NFYB: variants seen among roughly 807,000 people sequenced by gnomAD.
NFYB encodes the protein nuclear transcription factor Y subunit beta.
Under a neutral mutation model 28.0 loss-of-function variants are expected in NFYB, and 13 were observed. The ratio of observed to expected loss-of-function variants is 0.46; its 90% CI spans 0.30 to 0.74. NFYB has a LOEUF of 0.74. Ranked by LOEUF, NFYB falls within the 30% of genes least tolerant of loss-of-function variation. NFYB has a pLI of 0.07. For missense variants in NFYB, 142 were observed against 247.6 expected (o/e 0.57, Z 2.86); for synonymous variants, 74 against 75.0 (o/e 0.99, Z 0.07).
At chr12:104,121,645 T>C (rs1374955187) in intron 5 of NFYB, among the ~76,000 whole-genome samples, 2 of 152,174 alleles carry the variant, frequency 1.3e-5, no homozygotes, top group Non-Finnish European at 2.9e-5. Flanking sequence ...ACCACCAATA[T>C]TGAGCTTATA....
Position 104,127,819 on chromosome 12 carries a change from G to T in NFYB, c.100+605C>A, listed in dbSNP as rs137910613. ...AGCCCCCAGCCCCCTAAGTAGCTGG[G>T]ACTACAGGTACATGCCACCAAGCAC... On this transcript the variant is annotated intron_variant, in intron 3 of 7. Transcript: ENST00000240055. Among the ~76,000 whole-genome samples, 5 of 151,792 alleles carry T rather than the reference G, an allele frequency of 3.3e-5. No individual in the cohort carries two copies. The East Asian group carries it at 7.8e-4, about 24-fold the overall frequency.
chr12:104,124,968 A>G (rs992362588), intron 4 of NFYB, among the ~76,000 whole-genome samples: 28 of 152,362 alleles, frequency 1.8e-4, no homozygotes, highest in African/African-American at 5.8e-4. Context: ...CTATAAAATG[A>G]CAGAAAAATT....
chr12:104,121,223 A>AT lies in NFYB; in HGVS notation c.511+16dup. 6.3e-7 allele frequency: 1 copy of AT among 1,590,170 alleles called. No homozygotes were observed. Among genetic ancestry groups the AT allele is most frequent in the Admixed American group, 1.7e-5 (1 of 59,160 alleles). On this transcript the variant is annotated intron_variant, in intron 6 of 7. Coordinates refer to ENST00000240055, the MANE Select transcript of NFYB (RefSeq NM_006166.4). ...ATTGCTAACAATCTACATGACTTGT[A>AT]TTATAACAATGCTTACTAAATGCCT...
At chr12:104,125,315 TGGATG>T (rs1165074409) in intron 4 of NFYB, 1 of 153,210 alleles carries the variant, frequency 6.5e-6, no homozygotes, top group Non-Finnish European at 1.4e-5. Flanking sequence ...GGTTAGTACT[TGGATG>T]GGAGAAGTTA....
intron 5 of NFYB, among the ~76,000 whole-genome samples, chr12:104,121,593 CA>C (rs1197541550): frequency 6.6e-6 from 1 of 152,134 alleles, no homozygotes; most frequent in Non-Finnish European, 1.5e-5. Flanking sequence ...CACATCATAT[CA>C]AAGGGGTAAC....
intron 1 of NFYB, 196 bp downstream of exon 1, chr12:104,137,945 C>T (rs1218589202): frequency 6.8e-6 from 1 of 146,266 alleles, no homozygotes; most frequent in Non-Finnish European, 1.5e-5. Context: ...CGCGCCCGCT[C>T]CCCGGCCCGG....
In NFYB at chr12:104,118,822, G is replaced by GA. The variant is rs758989236; in HGVS notation, c.*914dup. 10 of 152,026 alleles carry GA rather than the reference G, an allele frequency of 6.6e-5. No individual in the cohort carries two copies. Among genetic ancestry groups the GA allele is most frequent in the African/African-American group, 2.4e-5 (1 of 41,380 alleles). 9.4% of individuals were successfully genotyped at this position (152,026 alleles called of 1,614,324 possible). A position where few individuals can be genotyped will look rare whatever the true frequency, so the allele number is the denominator to read the frequency against. On this transcript the variant is annotated 3_prime_UTR_variant, in exon 8 of 8. Coordinates refer to ENST00000240055, the MANE Select transcript of NFYB (RefSeq NM_006166.4). ...TTTCTTGGTTTCCATAGTGTAACAG[G>GA]AAACTTGACATTTCAATTAAAAAGG...
At chr12:104,136,802 A>T (rs2031118196) in intron 1 of NFYB, among the ~76,000 whole-genome samples, 1 of 152,230 alleles carries the variant, frequency 6.6e-6, no homozygotes, top group Non-Finnish European at 1.5e-5. Context: ...TGATATATGT[A>T]AAAGCTCAAG....
intron 1 of NFYB, among the ~76,000 whole-genome samples, chr12:104,136,859 C>A (rs1466527355): frequency 6.6e-6 from 1 of 152,150 alleles, no homozygotes; most frequent in Non-Finnish European, 1.5e-5. Context: ...AAATTTGTAT[C>A]CAAGAAAAGC....
intron 4 of NFYB, among the ~76,000 whole-genome samples, chr12:104,123,828 G>A (rs1355641829): frequency 2.0e-5 from 3 of 152,148 alleles, no homozygotes; most frequent in Non-Finnish European, 2.9e-5. Context: ...GGGCGTGGTG[G>A]CAGGTGCCTG....
At chr12:104,129,678 A>C (rs2030851430) in intron 2 of NFYB, among the ~76,000 whole-genome samples, 1 of 152,164 alleles carries the variant, frequency 6.6e-6, no homozygotes, top group African/African-American at 2.4e-5. Flanking sequence ...CAGAAGTTCA[A>C]GATCAGCCTG....
intron 7 of NFYB, 136 bp from the exon 8 acceptor site, chr12:104,119,905 T>C: frequency 1.6e-6 from 1 of 616,818 alleles, no homozygotes; most frequent in Admixed American, 2.7e-5. Flanking sequence ...TTTCTAGAAA[T>C]CTCCTATGCA....
At chr12:104,135,566 T>A in intron 1 of NFYB, 34 bp from the exon 2 acceptor site, 2 of 863,740 alleles carry the variant, frequency 2.3e-6, no homozygotes, top group South Asian at 4.1e-5. Flanking sequence ...ACCTAACATC[T>A]ATCAATAGTA....
At position 104,132,404 on chromosome 12, in the gene NFYB, T is replaced by A. The variant is rs78005185; in HGVS notation, c.6+3044A>T. On this transcript the variant is annotated intron_variant, in intron 2 of 7. Coordinates refer to ENST00000240055, the MANE Select transcript of NFYB (RefSeq NM_006166.4). ...TTAAGCAGAAGAGCACAAATCACATTAAAAAAAAAAATCCCTCTGGCTACA... is the reference window on the plus strand; with the variant it reads ...TTAAGCAGAAGAGCACAAATCACATAAAAAAAAAAAATCCCTCTGGCTACA... 2.0e-3 allele frequency among the ~76,000 whole-genome samples: 291 copies of A among 146,804 alleles called. 5 individuals carry two copies. The East Asian group carries it at 0.045, about 23-fold the overall frequency.
intron 4 of NFYB, among the ~76,000 whole-genome samples, chr12:104,124,959 TATAAA>T (rs1354914423): frequency 2.0e-5 from 3 of 152,146 alleles, no homozygotes; most frequent in Non-Finnish European, 2.9e-5. Flanking sequence ...CTTTTTAAAC[TATAAA>T]ATGACAGAAA....
chr12:104,119,774 G>A lies in NFYB; in HGVS notation c.592-5C>T. On this transcript the variant is annotated splice_polypyrimidine_tract_variant and splice_region_variant and intron_variant, in intron 7 of 7. Coordinates refer to ENST00000240055, the MANE Select transcript of NFYB (RefSeq NM_006166.4). ...AATTTGCTGAACACCAGAAATCTAA[G>A]ATTAGAAAATTTAAATTGAGCAGAA... The A allele has an allele frequency of 6.3e-7, 1 of 1,588,610 alleles. No individual in the cohort carries two copies. The highest frequency in any genetic ancestry group is 8.6e-7 in the Non-Finnish European group (1 of 1,159,038).
chr12:104,120,086 C>T (rs368032543), intron 7 of NFYB, among the ~76,000 whole-genome samples: 21 of 151,934 alleles, frequency 1.4e-4, no homozygotes, highest in African/African-American at 5.1e-4. Flanking sequence ...GACAGAGTCT[C>T]ACTCTATTGC....
At chr12:104,123,005 G>A (rs1023855473) in intron 5 of NFYB, among the ~76,000 whole-genome samples, 13 of 151,384 alleles carry the variant, frequency 8.6e-5, no homozygotes, top group South Asian at 2.1e-4. Context: ...TGTAACCCCC[G>A]TCTCTACTAA....
Position 104,119,193 on chromosome 12 carries a change from CTA to C in NFYB, c.*542_*543del, listed in dbSNP as rs2030374705. Reference sequence around the variant, plus strand: ...TTTTAAAAAAATGATGCTGCTTAAACTATTAATGTTTTACCAAAAAAATAATA... The same window carrying C: ...TTTTAAAAAAATGATGCTGCTTAAACTTAATGTTTTACCAAAAAAATAATA... On this transcript the variant is annotated 3_prime_UTR_variant, in exon 8 of 8. Transcript: ENST00000240055. 6.6e-6 allele frequency: 1 copy of C among 152,300 alleles called. No homozygotes were observed. The highest frequency in any genetic ancestry group is 2.4e-5 in the African/African-American group (1 of 41,420). 9.4% of individuals were successfully genotyped at this position (152,300 alleles called of 1,614,324 possible).
Sources: allele counts gnomAD v4.1 joint callset (sites outside exome capture counted in the v4.1 genomes callset), GRCh38; gene constraint gnomAD v4.1.1; transcripts MANE v1.5; gene names NCBI Gene and HGNC (gene_info 2026-07-23, HGNC 2026-07-21).